The following DIP2A variants were observed in gnomAD, a reference collection of about 807,000 sequenced individuals.
DIP2A encodes DIP2 acetate--CoA ligase A.
A neutral mutation model predicts 177.4 loss-of-function variants in DIP2A; 85 were observed. That is an observed-to-expected ratio of 0.48 (90% CI 0.40 to 0.57). The LOEUF is 0.57. DIP2A is among the 20% of genes least tolerant of loss of function. DIP2A has a pLI of 0.00. For synonymous variants in DIP2A, 886 were observed against 881.8 expected, an observed-to-expected ratio of 1.00 and a Z score of -0.08; for missense variants, 1,791 against 2,100.2, an observed-to-expected ratio of 0.85 and a Z score of 2.88.
intron 2 of DIP2A, among the ~76,000 whole-genome samples, chr21:46,485,316 A>G (rs1048488381): frequency 2.0e-5 from 3 of 152,142 alleles, no homozygotes; most frequent in Non-Finnish European, 4.4e-5. Flanking sequence ...GAGACCCAAA[A>G]TATTTTCAAA....
At chr21:46,546,156 G>C (rs2060029822) in intron 20 of DIP2A, 195 bp downstream of exon 20, 2 of 1,401,360 alleles carry the variant, frequency 1.4e-6, no homozygotes, top group Non-Finnish European at 1.9e-6. Context: ...CTGGTGCACA[G>C]TCCTGCACAC....
chr21:46,554,699 G>A lies in DIP2A; in HGVS notation c.3276+3G>A. ...CCACCGTCAAGATGATCGTGGAGGT[G>A]CGCCTACCTGGCCCGCGGGTCAGAG... On this transcript the variant is annotated splice_donor_region_variant and intron_variant, in intron 27 of 37. Transcript: ENST00000417564. 1.3e-6 allele frequency: 2 copies of A among 1,563,854 alleles called. No individual in the cohort carries two copies. Among genetic ancestry groups the A allele is most frequent in the Non-Finnish European group, 8.7e-7 (1 of 1,155,246 alleles).
At chr21:46,578,612 T>C in the DIP2A span, among the ~76,000 whole-genome samples, 7 of 151,922 alleles carry the variant, frequency 4.6e-5, no homozygotes, top group African/African-American at 1.2e-4. Context: ...GTGGCTGTTA[T>C]TATTTTGAGG....
chr21:46,575,091 G>T, the DIP2A span, among the ~76,000 whole-genome samples: 1 of 151,916 alleles, frequency 6.6e-6, no homozygotes, highest in Non-Finnish European at 1.5e-5. Flanking sequence ...TACAAAGTGG[G>T]GTTTACTCCT....
intron 11 of DIP2A, 46 bp from the exon 12 acceptor site, chr21:46,533,958 A>G (rs2059454154): frequency 6.6e-7 from 1 of 1,523,848 alleles, no homozygotes; most frequent in Admixed American, 1.8e-5. Flanking sequence ...TGGGGAGCAG[A>G]TGCCTCTGAC....
In DIP2A at chr21:46,556,128, G is replaced by A; in HGVS notation, c.3498+37G>A. The A allele has an allele frequency of 6.4e-7, 1 of 1,566,216 alleles. No individual in the cohort carries two copies. The highest frequency in any genetic ancestry group is 8.8e-7 in the Non-Finnish European group (1 of 1,137,088). ...GAAATCTTGTTTGCTTCAGCCCCTA[G>A]AAATCAGGAGGAGTGGACAGAAAGG... On this transcript the variant is annotated intron_variant, in intron 29 of 37. Coordinates refer to ENST00000417564, the MANE Select transcript of DIP2A (RefSeq NM_015151.4). This position sits in a 1 kb window ranked among gnomAD's most constrained non-coding sequence, Gnocchi z 4.5.
chr21:46,466,419 G>A (rs979457343), intron 1 of DIP2A, among the ~76,000 whole-genome samples: 3 of 142,094 alleles, frequency 2.1e-5, no homozygotes. Context: ...CGCGATCTCA[G>A]CTCACTGCAA....
intron 1 of DIP2A, among the ~76,000 whole-genome samples, chr21:46,478,964 C>T (rs771684581): frequency 6.6e-6 from 1 of 152,142 alleles, no homozygotes; most frequent in South Asian, 2.1e-4. Flanking sequence ...ACTTTTGCAT[C>T]TGGTAGGTAG....
Position 46,548,206 on chromosome 21 carries a change from GTGTT to G in DIP2A, c.2522+1168_2522+1171del, listed in dbSNP as rs1224240131. On this transcript the variant is annotated intron_variant, in intron 21 of 37. Coordinates refer to ENST00000417564, the MANE Select transcript of DIP2A (RefSeq NM_015151.4). ...CGTGTGTGTGTGTGTGTGTGTGTGT[GTGTT>G]TGTGTGCGCCTGCGTGCAGGGGGAG... 4.6e-5 allele frequency among the ~76,000 whole-genome samples: 7 copies of G among 152,074 alleles called. 1 individual carries two copies. Among genetic ancestry groups the G allele is most frequent in the Middle Eastern group, 6.8e-3 (2 of 292 alleles).
chr21:46,484,751 T>C lies in DIP2A; in HGVS notation c.92-6T>C. 6.4e-7 allele frequency: 1 copy of C among 1,561,056 alleles called. No homozygotes were observed. The highest frequency in any genetic ancestry group is 8.7e-7 in the Non-Finnish European group (1 of 1,154,444). ...AATGCAATTCTTTTTTCCATTGTTG[T>C]TTTAGGTGACATCACTCAAAAAGGA... On this transcript the variant is annotated splice_region_variant and splice_polypyrimidine_tract_variant and intron_variant, in intron 1 of 37. Transcript: ENST00000417564.
chr21:46,545,002 TA>T, intron 18 of DIP2A, 134 bp from the exon 19 acceptor site: 1 of 714,820 alleles, frequency 1.4e-6, no homozygotes, highest in Non-Finnish European at 2.1e-6. Flanking sequence ...ATCTGTGTCA[TA>T]AAACTCCTTA....
chr21:46,549,674 A>G, intron 21 of DIP2A, 97 bp from the exon 22 acceptor site: 1 of 1,557,146 alleles, frequency 6.4e-7, no homozygotes, highest in East Asian at 2.3e-5. Context: ...CATTTTAAAT[A>G]CTAGGACAGT....
chr21:46,562,604 G>T (rs771068970), intron 34 of DIP2A, among the ~76,000 whole-genome samples: 5 of 152,162 alleles, frequency 3.3e-5, no homozygotes, highest in Non-Finnish European at 7.3e-5. Context: ...CGGACAGAAG[G>T]CACAGCTGCT....
chr21:46,532,507 C>G (rs2059395177), intron 10 of DIP2A, among the ~76,000 whole-genome samples: 1 of 152,178 alleles, frequency 6.6e-6, no homozygotes, highest in South Asian at 2.1e-4. Flanking sequence ...GTTCTATCAT[C>G]TACATGAATT....
Position 46,511,499 on chromosome 21 carries a change from C to T in DIP2A, c.987C>T (p.Val329=), listed in dbSNP as rs925699063. The change falls in exon 8 of 38, where the codon GTC becomes GTT. Residue 329 remains valine (V), a synonymous_variant. Transcript: ENST00000417564. ...VLRGEPLTAG[V]PRPPSLLATL... ...GAGGGGAGCCTCTCACTGCAGGTGT[C>T]CCCCGACCGCCGTCGCTGTTGGCCA... 4 of 1,612,810 alleles carry T rather than the reference C, an allele frequency of 2.5e-6. No individual in the cohort carries two copies. Among genetic ancestry groups the T allele is most frequent in the Non-Finnish European group, 3.4e-6 (4 of 1,179,448 alleles).
At position 46,557,313 on chromosome 21, in the gene DIP2A, G is replaced by T; in HGVS notation, c.3629+244G>T. The stretch of plus-strand genomic sequence containing the variant: ...ATCTGCTTGATTCCTTCAAACACTA[G>T]AAAGTGGCGATCCGTCTCTAGAAGT... On this transcript the variant is annotated intron_variant, in intron 30 of 37. Coordinates refer to ENST00000417564, the MANE Select transcript of DIP2A (RefSeq NM_015151.4). The surrounding 1 kb of genome is among the most constrained non-coding windows in gnomAD (Gnocchi z 6.0). 3.2e-6 allele frequency: 2 copies of T among 622,998 alleles called. No individual in the cohort carries two copies. The highest frequency in any genetic ancestry group is 5.5e-6 in the Non-Finnish European group (2 of 364,200). The allele number at this position is 622,998 out of a possible 1,614,324, so 38.6% of individuals were successfully genotyped here.
At chr21:46,539,633 A>C in intron 16 of DIP2A, 2 of 515,804 alleles carry the variant, frequency 3.9e-6, no homozygotes, top group South Asian at 2.0e-5. Flanking sequence ...TCCTGTCCCT[A>C]GTGATGCCCC....
intron 2 of DIP2A, among the ~76,000 whole-genome samples, 171 bp from the exon 3 acceptor site, chr21:46,490,429 A>G (rs756749842): frequency 1.5e-4 from 23 of 152,174 alleles, no homozygotes; most frequent in Non-Finnish European, 2.9e-5. Flanking sequence ...ACGGAAGTGG[A>G]TGTTGCCCTT....
chr21:46,509,142 T>G, intron 6 of DIP2A, 115 bp from the exon 7 acceptor site: 1 of 1,198,952 alleles, frequency 8.3e-7, no homozygotes, highest in Non-Finnish European at 1.1e-6. Context: ...GGGCCCACAC[T>G]TGGATGGATT....
Sources: allele counts gnomAD v4.1 joint callset (sites outside exome capture counted in the v4.1 genomes callset), GRCh38; gene constraint gnomAD v4.1.1; non-coding constraint Gnocchi (gnomAD v3.1); transcripts MANE v1.5; gene names NCBI Gene and HGNC (gene_info 2026-07-23, HGNC 2026-07-21).